The following SLC35A2 variants were observed in gnomAD, a reference collection of about 807,000 sequenced individuals.
The protein encoded by SLC35A2 is UDP-galactose translocator.
In SLC35A2, 1 loss-of-function variant was observed where a neutral mutation model predicts 17.3. That is an observed-to-expected ratio of 0.06 (90% confidence interval 0.02 to 0.27). SLC35A2 has a LOEUF of 0.27. SLC35A2 is among the 10% of genes least tolerant of loss of function. SLC35A2 has a pLI of 1.00. For missense variants in SLC35A2, 191 were observed against 339.3 expected (o/e 0.56, Z 3.43); for synonymous variants, 161 against 161.3 (o/e 1.00, Z 0.01).
chrX:48,911,859 C>T, upstream of SLC35A2: 4 of 1,167,616 alleles, frequency 3.4e-6, no homozygotes, highest in Non-Finnish European at 4.6e-6. Flanking sequence ...GCCTACCCAC[C>T]ATCCCTACAG....
rs782024731 is a variant in SLC35A2, at chrX:48,905,546, G to A, written c.427-64C>T. 1.8e-3 allele frequency: 1,852 copies of A among 1,027,159 alleles called. 2 individuals are homozygous for A. Among genetic ancestry groups the A allele is most frequent in the Non-Finnish European group, 2.2e-3 (1,735 of 781,225 alleles). The allele number at this position is 1,027,159 out of a possible 1,213,427, so 84.6% of individuals were successfully genotyped here. A position where few individuals can be genotyped will look rare whatever the true frequency, so the allele number is the denominator to read the frequency against. On this transcript the variant is annotated intron_variant, in intron 3 of 4. Transcript: ENST00000247138. ...GGCCCCCAACAGGTGCACATGGGGG[G>A]CAGCACCCACTGTGGGCCCCCAGGC...
chrX:48,911,528 T>C lies in SLC35A2; in HGVS notation c.91+18A>G, dbSNP rs1557044045. 4 of 1,159,126 alleles carry C rather than the reference T, an allele frequency of 3.5e-6. No homozygotes were observed. The African/African-American group carries it at 7.1e-5, about 21-fold the overall frequency. On this transcript the variant is annotated intron_variant, in intron 1 of 4. Coordinates refer to ENST00000247138, the MANE Select transcript of SLC35A2 (RefSeq NM_005660.3). ...CGACCTCCGCCTCCCATGCGACTGC[T>C]CGGGCAGACTGTCTCACCCGCACTG...
chrX:48,903,394 A>G lies in SLC35A2; in HGVS notation c.*44T>C. On this transcript the variant is annotated 3_prime_UTR_variant, in exon 5 of 5. Transcript: ENST00000247138. ...GTTTGGTCCCAGCTGGGCCAAGGGCAAGAAGAGAGAACGAGGCCAGGCCAA... is the reference window on the plus strand; with the variant it reads ...GTTTGGTCCCAGCTGGGCCAAGGGCGAGAAGAGAGAACGAGGCCAGGCCAA... The G allele has an allele frequency of 1.7e-6, 1 of 577,430 alleles. No individual in the cohort carries two copies. Among genetic ancestry groups the G allele is most frequent in the Non-Finnish European group, 3.2e-6 (1 of 316,403 alleles). 47.6% of individuals were successfully genotyped at this position (577,430 alleles called of 1,213,427 possible). A position where few individuals can be genotyped will look rare whatever the true frequency, so the allele number is the denominator to read the frequency against.
At chrX:48,908,507 ATGT>A (rs1557043444) in intron 2 of SLC35A2, among the ~76,000 whole-genome samples, 1 of 111,470 alleles carries the variant, frequency 9.0e-6, no homozygotes, top group Admixed American at 9.6e-5. Context: ...ACTCCTACTG[ATGT>A]TCATTCACCA....
chrX:48,909,706 G>A, intron 2 of SLC35A2, 108 bp downstream of exon 2: 2 of 703,600 alleles, frequency 2.8e-6, no homozygotes, highest in Admixed American at 3.1e-5. Flanking sequence ...GCTCCAGGCA[G>A]GTTGAGATTT....
chrX:48,911,933 T>C, upstream of SLC35A2: 1 of 1,167,320 alleles, frequency 8.6e-7, no homozygotes, highest in Non-Finnish European at 1.1e-6. Context: ...GCTTCACTGA[T>C]CGCGCTTTCC....
chrX:48,911,664 G>A (rs782456120), upstream of SLC35A2: 13 of 1,154,797 alleles, frequency 1.1e-5, no homozygotes, highest in Non-Finnish European at 1.5e-5. Context: ...CCGTCCCCTC[G>A]GCAACAGAAA....
At chrX:48,911,470 T>G in intron 1 of SLC35A2, 76 bp downstream of exon 1, 2 of 1,103,806 alleles carry the variant, frequency 1.8e-6, no homozygotes, top group Non-Finnish European at 2.4e-6. Context: ...CCCTCTCACT[T>G]TAGTGAGGAA....
At chrX:48,911,768 G>A, upstream of SLC35A2, 1 of 1,163,641 alleles carries the variant, frequency 8.6e-7, no homozygotes, top group Admixed American at 2.6e-5. Flanking sequence ...TTTCTCCTCC[G>A]CTCCTAAAAG....
intron 2 of SLC35A2, among the ~76,000 whole-genome samples, chrX:48,908,967 A>G (rs2063511887): frequency 8.9e-6 from 1 of 112,746 alleles, no homozygotes. Context: ...AATTTACAAG[A>G]GATGTAGAAG....
At chrX:48,906,092 TC>T in intron 3 of SLC35A2, 1 of 413,271 alleles carries the variant, frequency 2.4e-6, no homozygotes, top group Admixed American at 4.5e-5. Flanking sequence ...GGCCCCAGAA[TC>T]CAGGCTCTTT....
Position 48,903,457 on chromosome X carries a change from G to A in SLC35A2, c.1172C>T (p.Thr391Ile). 1 of 573,860 alleles carries A rather than the reference G, an allele frequency of 1.7e-6. No homozygotes were observed. The highest frequency in any genetic ancestry group is 2.2e-5 in the South Asian group (1 of 44,725). 47.3% of individuals were successfully genotyped at this position (573,860 alleles called of 1,213,427 possible). Residue 391 changes from threonine (T) to isoleucine (I), a missense_variant, in exon 5 of 5, where the codon ACC becomes ATC. By Grantham distance (89) the Thr-to-Ile change is moderately conservative. This residue lies in a region of SLC35A2 where 164 missense variants were observed against 315.3 expected (regional missense o/e 0.52). Coordinates refer to ENST00000247138, the MANE Select transcript of SLC35A2 (RefSeq NM_005660.3). ...ITEPFLPKLL[T>I]KVKGS ...CAGCGGCTAGGAACCCTTCACCTTG[G>A]TGAGCAACCTGTGGTGGGAATGGGG...
chrX:48,911,000 A>G (rs1355428329), intron 1 of SLC35A2, among the ~76,000 whole-genome samples: 1 of 110,359 alleles, frequency 9.1e-6, no homozygotes, highest in African/African-American at 3.3e-5. Context: ...TCCACCATAT[A>G]ACGATGAGCC....
chrX:48,905,593 G>T, intron 3 of SLC35A2, 111 bp from the exon 4 acceptor site: 1 of 720,739 alleles, frequency 1.4e-6, no homozygotes, highest in African/African-American at 2.1e-5. Context: ...ACAGGGTGGG[G>T]GGTATGACAG....
chrX:48,905,292 A>G lies in SLC35A2; in HGVS notation c.617T>C (p.Val206Ala). The stretch of plus-strand genomic sequence containing the variant: ...GCCGGAGGAGAGACAGGAGGCCACG[A>G]CGGCTGCCAGGCCTGCCCCAGGGTT... ...DQNPGAGLAA[V>A]VASCLSSGFA... The change falls in exon 4 of 5, where the codon GTC (valine) becomes GCC (alanine). Residue 206 changes from valine to alanine, a missense_variant. Physicochemically the swap from Val to Ala is moderately conservative, Grantham distance 64. This residue lies in a region of SLC35A2 where 164 missense variants were observed against 315.3 expected (regional missense o/e 0.52). Transcript: ENST00000247138. 1.7e-6 allele frequency: 2 copies of G among 1,189,721 alleles called. No individual in the cohort carries two copies. The highest frequency in any genetic ancestry group is 2.3e-6 in the Non-Finnish European group (2 of 884,203).
intron 4 of SLC35A2, chrX:48,904,486 G>C: frequency 1.8e-6 from 2 of 1,111,092 alleles, no homozygotes; most frequent in Non-Finnish European, 2.4e-6. Flanking sequence ...AGGTTAGAGG[G>C]AGCAGAGGCG....
At chrX:48,911,947 T>C, upstream of SLC35A2, 1 of 1,166,523 alleles carries the variant, frequency 8.6e-7, no homozygotes, top group Non-Finnish European at 1.1e-6. Flanking sequence ...GCTTTCCAGA[T>C]CATCCCCCGA....
Position 48,909,914 on chromosome X carries a change from G to A in SLC35A2, c.174C>T (p.Arg58=). Residue 58 remains arginine, a synonymous_variant, in exon 2 of 5, where the codon CGC becomes CGT. Coordinates refer to ENST00000247138, the MANE Select transcript of SLC35A2 (RefSeq NM_005660.3). ...CAAAGAAGCGGTCCCCTGGCAACGT[G>A]CGGGCGTAGCGGATGCTGAGGATGA... is the stretch of plus-strand genomic sequence containing the variant. ...ASLILSIRYA[R]TLPGDRFFAT... The A allele has an allele frequency of 8.3e-7, 1 of 1,209,753 alleles. No individual in the cohort carries two copies. The highest frequency in any genetic ancestry group is 1.1e-6 in the Non-Finnish European group (1 of 894,232).
chrX:48,911,159 T>G (rs1353936533), intron 1 of SLC35A2, among the ~76,000 whole-genome samples: 2 of 110,557 alleles, frequency 1.8e-5, no homozygotes, highest in Non-Finnish European at 1.9e-5. Context: ...TAACTCACAA[T>G]AGTCTCTGTC....
Sources: gnomAD v4.1 joint callset for allele counts (sites outside exome capture counted in the v4.1 genomes callset) on GRCh38, gnomAD v4.1.1 for gene constraint, gnomAD v4.1.1 regional missense constraint, MANE v1.5 for transcripts, NCBI Gene and HGNC (gene_info 2026-07-23, HGNC 2026-07-21) for gene names.